SFTPD: variants seen among roughly 807,000 people sequenced by gnomAD.
SFTPD encodes the protein pulmonary surfactant-associated protein D.
Under a neutral mutation model 34.6 loss-of-function variants are expected in SFTPD, and 18 were observed. The ratio of observed to expected loss-of-function variants is 0.52; its 90% CI spans 0.36 to 0.77. SFTPD has a LOEUF of 0.77. Among genes scored for constraint, SFTPD ranks in the 30% least tolerant of loss-of-function variants. The probability of loss-of-function intolerance (pLI) is 0.00; values close to 1 mark genes in which losing one functional copy is unlikely to be tolerated. For synonymous variants in SFTPD, 155 were observed against 180.9 expected (o/e 0.86, Z 1.15); for missense variants, 433 against 468.9 (o/e 0.92, Z 0.71).
upstream of SFTPD, among the ~76,000 whole-genome samples, chr10:79,952,111 C>T (rs1363831274): frequency 1.3e-5 from 2 of 152,182 alleles, no homozygotes; most frequent in African/African-American, 2.4e-5. Context: ...CTGTGGCTAC[C>T]ACCAAAATGG....
At chr10:79,982,188 G>C (rs1245494043) in intron 1 of SFTPD, 2 of 465,548 alleles carry the variant, frequency 4.3e-6, no homozygotes, top group African/African-American at 2.1e-5. Context: ...CAGAGGAGCC[G>C]CACGCGCACG....
rs752623918 is a variant in SFTPD, at chr10:79,942,750, C to T, written c.316+13G>A. On this transcript the variant is annotated intron_variant, in intron 3 of 7. Coordinates refer to ENST00000372292, the MANE Select transcript of SFTPD (RefSeq NM_003019.5). ...CACCTGGAAACACCTGAAGTCGACA[C>T]CCAGTTGCTCACCACTTGGCCCAGT... is the stretch of plus-strand genomic sequence containing the variant. The T allele has an allele frequency of 1.3e-6, 2 of 1,530,830 alleles. No individual in the cohort carries two copies. The highest frequency in any genetic ancestry group is 1.8e-6 in the Non-Finnish European group (2 of 1,104,094). The allele number at this position is 1,530,830 out of a possible 1,614,324, so 94.8% of individuals were successfully genotyped here.
At chr10:79,977,471 AACAC>A (rs1230291796) in intron 1 of SFTPD, among the ~76,000 whole-genome samples, 2 of 152,226 alleles carry the variant, frequency 1.3e-5, no homozygotes, top group Non-Finnish European at 2.9e-5. Context: ...AAACAACAAC[AACAC>A]ACACATACAC....
chr10:79,946,591 C>A lies in SFTPD; in HGVS notation c.69G>T (p.Met23Ile). The change falls in exon 2 of 8, where the codon ATG becomes ATT. Residue 23 changes from methionine to isoleucine, a missense_variant. By Grantham distance (10) the Met-to-Ile change is conservative. Transcript: ENST00000372292. ...TQPLGYLEAE[M>I]KTYSHRTMPS... is the part of the protein sequence containing the mutation. ...GCATTGTTCTGTGGGAGTAGGTCTT[C>A]ATTTCTGCTTCCAGGTAGCCCAGGG... 6.2e-7 allele frequency: 1 copy of A among 1,614,200 alleles called. No homozygotes were observed. Among genetic ancestry groups the A allele is most frequent in the Non-Finnish European group, 8.5e-7 (1 of 1,180,020 alleles).
chr10:79,953,727 TA>T (rs1413484601), upstream of SFTPD, among the ~76,000 whole-genome samples: 4 of 152,136 alleles, frequency 2.6e-5, no homozygotes, highest in Admixed American at 6.5e-5. Context: ...TTAAATTTTT[TA>T]AATTACTTTA....
chr10:79,945,027 T>A (rs1842651611), intron 2 of SFTPD, among the ~76,000 whole-genome samples: 2 of 150,890 alleles, frequency 1.3e-5, no homozygotes, highest in African/African-American at 2.4e-5. Flanking sequence ...AACAGTGGAG[T>A]GACTGGAGAG....
At chr10:79,943,437 T>G (rs1043343345) in intron 2 of SFTPD, among the ~76,000 whole-genome samples, 4 of 152,204 alleles carry the variant, frequency 2.6e-5, no homozygotes, top group Non-Finnish European at 5.9e-5. Context: ...GGACAATGCA[T>G]GAAGTGTCCC....
At chr10:79,945,823 C>T (rs1387740659) in intron 2 of SFTPD, among the ~76,000 whole-genome samples, 1 of 152,216 alleles carries the variant, frequency 6.6e-6, no homozygotes, top group Non-Finnish European at 1.5e-5. Flanking sequence ...GATGCAGAGC[C>T]TTCGTCCTTT....
chr10:79,981,386 A>G (rs7903576), intron 1 of SFTPD, among the ~76,000 whole-genome samples: 105,199 of 152,174 alleles, frequency 0.69, 38,085 homozygotes, highest in African/African-American at 0.93. Context: ...AATCAGAGTA[A>G]AAAGTTTATT....
At chr10:79,954,761 A>C (rs1430662525) in intron 1 of SFTPD, among the ~76,000 whole-genome samples, 3 of 152,108 alleles carry the variant, frequency 2.0e-5, no homozygotes, top group Non-Finnish European at 2.9e-5. Context: ...GGCTTTTTGC[A>C]GTCTTAAGTC....
intron 1 of SFTPD, among the ~76,000 whole-genome samples, chr10:79,980,615 C>G (rs527247443): frequency 6.6e-6 from 1 of 152,294 alleles, no homozygotes; most frequent in South Asian, 2.1e-4. Context: ...GGCACCTCAG[C>G]ATGGAGAGAA....
rs531541849 is a variant in SFTPD at position 79,959,822 on chromosome 10, G to A, written c.37-13160C>T. 6.6e-5 allele frequency among the ~76,000 whole-genome samples: 10 copies of A among 152,194 alleles called. No homozygotes were observed. In the East Asian group the frequency reaches 7.7e-4, roughly 12 times the overall value. On this transcript the variant is annotated intron_variant, in intron 1 of 5. Coordinates refer to the SFTPD transcript ENST00000444384. ...AGGCCAGCATCATCTTGATACCAAA[G>A]CCTGGCAGAAACACAACCAAAAAAG... is the stretch of plus-strand genomic sequence containing the variant.
At position 79,963,538 on chromosome 10, in the gene SFTPD, A is replaced by G. The variant is rs74351046; in HGVS notation, c.37-16876T>C. ...CTTTTTCATTTTTGTGAATATGATG[A>G]ATGAGGATTAAAATCTGATTGCTAT... is the stretch of plus-strand genomic sequence containing the variant. On this transcript the variant is annotated intron_variant, in intron 1 of 5. Coordinates refer to the SFTPD transcript ENST00000444384. Among the ~76,000 whole-genome samples the G allele has an allele frequency of 7.5e-3, 1,143 of 152,164 alleles. 16 individuals carry two copies. Among genetic ancestry groups the G allele is most frequent in the African/African-American group, 0.026 (1,067 of 41,442 alleles).
chr10:79,957,694 A>G (rs945038419), intron 1 of SFTPD, among the ~76,000 whole-genome samples: 12 of 152,226 alleles, frequency 7.9e-5, no homozygotes, highest in African/African-American at 2.7e-4. Context: ...TGAAAGTGAC[A>G]TGGAGAATGG....
rs1360091253 is a variant in SFTPD, at chr10:79,942,067, T to TC, written c.436dup (p.Glu146GlyfsTer20). On this transcript the variant is annotated frameshift_variant, in exon 5 of 8. Transcript: ENST00000372292. LOFTEE classifies it high-confidence loss of function. ...GCCCTGCATGCCTGGGGCACCTACT[T>TC]CTCCTGAAGAAGGAACACACAGGAA... 6.2e-7 allele frequency: 1 copy of TC among 1,608,182 alleles called. No homozygotes were observed. The highest frequency in any genetic ancestry group is 8.5e-7 in the Non-Finnish European group (1 of 1,175,462).
At chr10:79,978,978 T>G (rs1304674352) in intron 1 of SFTPD, among the ~76,000 whole-genome samples, 1 of 152,116 alleles carries the variant, frequency 6.6e-6, no homozygotes, top group East Asian at 1.9e-4. Context: ...AAAAAACTGT[T>G]AGAATAAATA....
Position 79,977,149 on chromosome 10 carries a change from C to G in SFTPD, c.36+5426G>C, listed in dbSNP as rs544643131. ...TGGGGAAGAAACTATAGGTGTGAGA[C>G]GTGGCCATTTCACCTCTGGAGCCAA... is the stretch of plus-strand genomic sequence containing the variant. On this transcript the variant is annotated intron_variant, in intron 1 of 5. Transcript: ENST00000444384. Among the ~76,000 whole-genome samples, 7 of 152,300 alleles carry G rather than the reference C, an allele frequency of 4.6e-5. 1 individual carries two copies. Among genetic ancestry groups the G allele is most frequent in the Admixed American group, 4.6e-4 (7 of 15,296 alleles).
intron 2 of SFTPD, among the ~76,000 whole-genome samples, chr10:79,943,265 T>G (rs996805781): frequency 6.6e-6 from 1 of 152,146 alleles, no homozygotes; most frequent in African/African-American, 2.4e-5. Flanking sequence ...TGCTAACTTG[T>G]TCATTCAGTT....
upstream of SFTPD, among the ~76,000 whole-genome samples, chr10:79,953,093 A>T (rs1051765563): frequency 6.6e-6 from 1 of 152,012 alleles, no homozygotes; most frequent in African/African-American, 2.4e-5. Flanking sequence ...TCAGTATTCC[A>T]CTCAGACCAT....
Sources: gnomAD v4.1 joint callset for allele counts (sites outside exome capture counted in the v4.1 genomes callset) on GRCh38, gnomAD v4.1.1 for gene constraint, MANE v1.5 for transcripts, NCBI Gene and HGNC (gene_info 2026-07-23, HGNC 2026-07-21) for gene names.